RFX8: variants seen among roughly 807,000 people sequenced by gnomAD.
The protein encoded by RFX8 is DNA-binding protein RFX8.
A neutral mutation model predicts 54.6 loss-of-function variants in RFX8; 46 were observed. That is an observed-to-expected ratio of 0.84 (90% confidence interval 0.67 to 1.08). RFX8 has a LOEUF of 1.08. Ranked by LOEUF, RFX8 falls within the 50% of genes least tolerant of loss-of-function variation. The probability of loss-of-function intolerance (pLI) is 0.00; values close to 1 mark genes in which losing one functional copy is unlikely to be tolerated. For synonymous variants in RFX8, 192 were observed against 209.5 expected, an observed-to-expected ratio of 0.92 and a Z score of 0.72; for missense variants, 536 against 562.3, an observed-to-expected ratio of 0.95 and a Z score of 0.47.
intron 2 of RFX8, among the ~76,000 whole-genome samples, chr2:101,428,468 C>T (rs568670969): frequency 6.6e-6 from 1 of 152,314 alleles, no homozygotes; most frequent in South Asian, 2.1e-4. Context: ...GCCTCTGGAA[C>T]TGTGAGAAAT....
intron 2 of RFX8, among the ~76,000 whole-genome samples, chr2:101,437,166 G>A (rs978303182): frequency 5.9e-5 from 9 of 152,206 alleles, no homozygotes; most frequent in Admixed American, 5.9e-4. Context: ...CAGGCTGGGT[G>A]CAGTGGCTCA....
At chr2:101,399,242 A>G (rs1685294277) in intron 11 of RFX8, among the ~76,000 whole-genome samples, 1 of 152,214 alleles carries the variant, frequency 6.6e-6, no homozygotes, top group African/African-American at 2.4e-5. Context: ...AAACGGTGGC[A>G]GATGAATGCA....
In RFX8 at chr2:101,412,952, A is replaced by G. The variant is rs1178219126; in HGVS notation, c.681T>C (p.Ser227=). 1 of 1,551,620 alleles carries G rather than the reference A, an allele frequency of 6.4e-7. No homozygotes were observed. The highest frequency in any genetic ancestry group is 8.7e-7 in the Non-Finnish European group (1 of 1,146,968). The change falls in exon 8 of 12, where the codon AGT becomes AGC. Residue 227 remains serine, a synonymous_variant. Coordinates refer to ENST00000428343, the MANE Select transcript of RFX8 (RefSeq NM_001145664.2). Reference sequence around the variant, plus strand: ...GGTTGTTCTCCAGTTCATCTGCGCCACTCCGGTCACTTGCCAGGGCTTTCT... The same window carrying G: ...GGTTGTTCTCCAGTTCATCTGCGCCGCTCCGGTCACTTGCCAGGGCTTTCT... The part of the protein sequence containing the change: ...TSKKALASDR[S]GADELENNPE...
intron 7 of RFX8, among the ~76,000 whole-genome samples, chr2:101,414,545 A>T (rs1265917336): frequency 1.3e-5 from 2 of 151,748 alleles, no homozygotes; most frequent in African/African-American, 4.8e-5. Flanking sequence ...AAGTGCCGCG[A>T]TTACAGGTAC....
At position 101,409,459 on chromosome 2, in the gene RFX8, C is replaced by G. The variant is rs188701463; in HGVS notation, c.813+1160G>C. Among the ~76,000 whole-genome samples, 1,162 of 151,998 alleles carry G rather than the reference C, an allele frequency of 7.6e-3. 21 individuals carry two copies. The highest frequency in any genetic ancestry group is 0.026 in the African/African-American group (1,064 of 41,430). The stretch of plus-strand genomic sequence containing the variant: ...GCCAGAATGGTCTCCATCTCCTGAC[C>G]TTGTGATCTGCCTGCCTCGGCCACC... On this transcript the variant is annotated intron_variant, in intron 9 of 11. Transcript: ENST00000428343.
chr2:101,401,280 T>C (rs1019659728), intron 11 of RFX8, among the ~76,000 whole-genome samples: 2 of 152,100 alleles, frequency 1.3e-5, no homozygotes, highest in African/African-American at 4.8e-5. Context: ...TGTTTTGTTT[T>C]GTTTTTTTGG....
Position 101,405,160 on chromosome 2 carries a change from TC to T in RFX8, c.928+782del, listed in dbSNP as rs756479810. The stretch of plus-strand genomic sequence containing the variant: ...CTTCCTATAATCCTTTTTTTTTTTT[TC>T]TTGAGGTGAAGTTTCGTTCTTGTCA... On this transcript the variant is annotated intron_variant, in intron 10 of 11. Transcript: ENST00000428343. Among the ~76,000 whole-genome samples the T allele has an allele frequency of 2.9e-3, 425 of 148,738 alleles. 6 individuals carry two copies. The highest frequency in any genetic ancestry group is 3.6e-3 in the African/African-American group (148 of 40,886).
chr2:101,415,079 G>A (rs901780865), intron 6 of RFX8, among the ~76,000 whole-genome samples, 167 bp from the exon 7 acceptor site: 2 of 151,996 alleles, frequency 1.3e-5, no homozygotes, highest in Admixed American at 6.6e-5. Context: ...GAAGATCCTG[G>A]CAGGGGACGC....
At chr2:101,463,785 A>ATG (rs1689420121) in intron 2 of RFX8, among the ~76,000 whole-genome samples, 1 of 151,978 alleles carries the variant, frequency 6.6e-6, no homozygotes, top group Non-Finnish European at 1.5e-5. Context: ...GTCAGGCCAC[A>ATG]CCTGGTGAGC....
At chr2:101,465,582 A>C (rs1573489358) in intron 2 of RFX8, among the ~76,000 whole-genome samples, 1 of 152,316 alleles carries the variant, frequency 6.6e-6, no homozygotes, top group African/African-American at 2.4e-5. Flanking sequence ...GGAATAAGAG[A>C]ATAACTACTC....
At position 101,414,893 on chromosome 2, in the gene RFX8, T is replaced by C; in HGVS notation, c.522A>G (p.Lys174=). ...SKLKEVTLFV[K]RLRRKTYLSN... is the part of the protein sequence containing the mutation. ...AAAGGTACGTCTTTCTTCTTAGTCT[T>C]TTGACAAATAGAGTAACTTCTGTTA... Residue 174 remains lysine (K), a synonymous_variant, in exon 7 of 12, where the codon AAA becomes AAG. Coordinates refer to ENST00000428343, the MANE Select transcript of RFX8 (RefSeq NM_001145664.2). The C allele has an allele frequency of 6.5e-7, 1 of 1,550,304 alleles. No individual in the cohort carries two copies. Among genetic ancestry groups the C allele is most frequent in the Non-Finnish European group, 8.7e-7 (1 of 1,146,354 alleles).
intron 1 of RFX8, among the ~76,000 whole-genome samples, chr2:101,473,027 A>G (rs949651883): frequency 4.6e-5 from 7 of 152,146 alleles, no homozygotes; most frequent in African/African-American, 1.7e-4. Context: ...ACAAAAAAAA[A>G]AGAGAGAAAA....
chr2:101,398,891 A>G (rs963397029), intron 11 of RFX8, among the ~76,000 whole-genome samples: 5 of 152,224 alleles, frequency 3.3e-5, no homozygotes, highest in African/African-American at 9.7e-5. Flanking sequence ...TAAATTCGAC[A>G]AAAACCATCA....
intron 1 of RFX8, among the ~76,000 whole-genome samples, chr2:101,469,019 T>TATATATATACGTATATATATAC (rs1689752731): frequency 1.1e-5 from 1 of 89,176 alleles, no homozygotes; most frequent in Non-Finnish European, 2.2e-5. Flanking sequence ...TATATATAGG[T>TATATATATACGTATATATATAC]ATATATATAT....
chr2:101,426,625 A>G (rs1687184653), intron 2 of RFX8, among the ~76,000 whole-genome samples: 1 of 152,240 alleles, frequency 6.6e-6, no homozygotes, highest in Non-Finnish European at 1.5e-5. Flanking sequence ...TTCTTTAGGT[A>G]TATTAAATGC....
chr2:101,428,997 T>C, intron 2 of RFX8: 1 of 1,533,318 alleles, frequency 6.5e-7, no homozygotes, highest in Non-Finnish European at 8.7e-7. Flanking sequence ...TTAGTAGATT[T>C]TTCAAAGGCA....
chr2:101,419,096 C>T, intron 4 of RFX8, 132 bp from the exon 5 acceptor site: 2 of 605,264 alleles, frequency 3.3e-6, no homozygotes. Flanking sequence ...AAAGCTTTGC[C>T]TCTCAGCTTT....
rs371121566 is a variant in RFX8 at position 101,422,395 on chromosome 2, C to G, written c.150G>C (p.Glu50Asp). The G allele has an allele frequency of 3.9e-5, 61 of 1,546,420 alleles. No homozygotes were observed. The highest frequency in any genetic ancestry group is 4.6e-5 in the Non-Finnish European group (53 of 1,142,284). ...LSEFRRCPFL[E>D]QEQAKKYSCN... ...AGGAGTATTTCTTTGCCTGTTCTTG[C>G]TCCAGAAATGGACATCTCCTGAATT... The change falls in exon 3 of 12, where the codon GAG becomes GAC. Residue 50 changes from glutamate to aspartate, a missense_variant. Physicochemically the swap from Glu to Asp is conservative, Grantham distance 45 (BLOSUM62 2). Transcript: ENST00000428343.
intron 2 of RFX8, among the ~76,000 whole-genome samples, chr2:101,444,445 C>T (rs575540590): frequency 6.6e-6 from 1 of 152,242 alleles, no homozygotes; most frequent in South Asian, 2.1e-4. Flanking sequence ...CTAACATAAC[C>T]AAAATTCCCA....
Sources: gnomAD v4.1 joint callset for allele counts (sites outside exome capture counted in the v4.1 genomes callset) on GRCh38, gnomAD v4.1.1 for gene constraint, MANE v1.5 for transcripts, NCBI Gene and HGNC (gene_info 2026-07-23, HGNC 2026-07-21) for gene names.